The following KIF7 variants were observed in gnomAD, a reference collection of about 807,000 sequenced individuals.
KIF7 encodes the protein kinesin family member 7.
KIF7 carries 104 observed loss-of-function variants against 135.7 expected under a neutral mutation model. The observed-to-expected ratio is 0.77, with a 90% CI of 0.65 to 0.90. KIF7 has a LOEUF of 0.90. Among genes scored for constraint, KIF7 ranks in the 40% least tolerant of loss-of-function variants. KIF7 has a pLI of 0.00. For missense variants in KIF7, 2,005 were observed against 1,839.1 expected (o/e 1.09, Z -1.65); for synonymous variants, 883 against 809.4 (o/e 1.09, Z -1.54).
At chr15:89,627,181 T>C, downstream of KIF7, 6 of 1,498,398 alleles carry the variant, frequency 4.0e-6, no homozygotes, top group Non-Finnish European at 5.5e-6. Context: ...TCTTTTGCCA[T>C]GGTCAGTGTT....
chr15:89,632,160 A>G (rs549168487), intron 14 of KIF7, among the ~76,000 whole-genome samples: 12 of 152,300 alleles, frequency 7.9e-5, no homozygotes, highest in African/African-American at 2.6e-4. Flanking sequence ...CATCAGAGTG[A>G]TGCGTGCTGG....
rs1032643371 is a variant in KIF7 at position 89,619,807 on chromosome 15, T to C, written c.181-1612A>G. ...GTGTCTCAGCCGAAGTCTCGAAGTG[T>C]GCAAAGAGTCCACTCTTTCCAGCAA... On this transcript the variant is annotated intron_variant and NMD_transcript_variant, in intron 1 of 2. Coordinates refer to the KIF7 transcript ENST00000558928. 4 of 1,613,514 alleles carry C rather than the reference T, an allele frequency of 2.5e-6. No homozygotes were observed. The African/African-American group carries it at 5.3e-5, about 22-fold the overall frequency.
chr15:89,633,031 G>C (rs1157585184), intron 13 of KIF7, 35 bp from the exon 14 acceptor site: 1 of 1,597,022 alleles, frequency 6.3e-7, no homozygotes, highest in African/African-American at 1.3e-5. Flanking sequence ...AGGGAACTCA[G>C]GGCCCACCTC....
Position 89,649,828 on chromosome 15 carries a change from C to G in KIF7, c.442G>C (p.Val148Leu), listed in dbSNP as rs1368643826. 1.3e-6 allele frequency: 2 copies of G among 1,551,724 alleles called. No individual in the cohort carries two copies. Among genetic ancestry groups the G allele is most frequent in the African/African-American group, 2.7e-5 (2 of 73,078 alleles). ...AGGTCTCGGAACTCCTCCTTGTACACTTCCAGGTAGGACACATGTACCAGA... is the reference window on the plus strand; with the variant it reads ...AGGTCTCGGAACTCCTCCTTGTACAGTTCCAGGTAGGACACATGTACCAGA... ...DCLVHVSYLE[V>L]YKEEFRDLLE... Residue 148 changes from valine to leucine, a missense_variant, in exon 3 of 19, where the codon GTG (valine) becomes CTG (leucine). Val to Leu is a conservative substitution (Grantham distance 32). Coordinates refer to ENST00000394412, the MANE Select transcript of KIF7 (RefSeq NM_198525.3).
At chr15:89,645,748 G>A in intron 8 of KIF7, 145 bp downstream of exon 8, 1 of 1,161,552 alleles carries the variant, frequency 8.6e-7, no homozygotes, top group Non-Finnish European at 1.2e-6. Context: ...TCTCCCCCAG[G>A]GGCTGGCCAG....
At chr15:89,662,366 G>A in the KIF7 span, among the ~76,000 whole-genome samples, 2 of 152,188 alleles carry the variant, frequency 1.3e-5, no homozygotes, top group Admixed American at 1.3e-4. Context: ...GCATGGTGGC[G>A]CACACCTGTA....
chr15:89,631,165 G>C lies in KIF7; in HGVS notation c.3111+330C>G, dbSNP rs986238206. Reference sequence around the variant, plus strand: ...GAACACAGATGTGTGGGCATGAGGTGCACTGAGTATGCGCCTGACACTCCA... The same window carrying C: ...GAACACAGATGTGTGGGCATGAGGTCCACTGAGTATGCGCCTGACACTCCA... On this transcript the variant is annotated intron_variant, in intron 15 of 18. Coordinates refer to ENST00000394412, the MANE Select transcript of KIF7 (RefSeq NM_198525.3). 2.0e-5 allele frequency: 7 copies of C among 345,860 alleles called. No homozygotes were observed. In the Admixed American group the frequency reaches 2.6e-4, roughly 13 times the overall value. 21.4% of individuals were successfully genotyped at this position (345,860 alleles called of 1,614,324 possible).
Position 89,628,620 on chromosome 15 carries a change from C to A in KIF7, c.3831G>T (p.Trp1277Cys). 1 of 1,613,396 alleles carries A rather than the reference C, an allele frequency of 6.2e-7. No homozygotes were observed. The highest frequency in any genetic ancestry group is 8.5e-7 in the Non-Finnish European group (1 of 1,180,018). Residue 1277 changes from tryptophan to cysteine, a missense_variant, in exon 19 of 19, where the codon TGG becomes TGT. Physicochemically the swap from Trp to Cys is radical, Grantham distance 215 (BLOSUM62 -2). Coordinates refer to ENST00000394412, the MANE Select transcript of KIF7 (RefSeq NM_198525.3). The part of the protein sequence containing the change: ...DLVHAPLPLT[W>C]KRSSLCGEEQ... ...CCTCACCACACAGGCTCGAGCGTTT[C>A]CAGGTCAAGGGTAACGGAGCGTGGA... is the stretch of plus-strand genomic sequence containing the variant.
intron 1 of KIF7, among the ~76,000 whole-genome samples, chr15:89,654,604 C>T (rs1964179027): frequency 6.6e-6 from 1 of 152,168 alleles, no homozygotes; most frequent in African/African-American, 2.4e-5. Context: ...ACCCGCTTCT[C>T]TCCCCGACCT....
intron 1 of KIF7, among the ~76,000 whole-genome samples, chr15:89,622,564 A>G (rs906197603): frequency 6.6e-6 from 1 of 152,184 alleles, no homozygotes; most frequent in Non-Finnish European, 1.5e-5. Context: ...GAAACTCAGT[A>G]AATTGCTTGG....
chr15:89,618,048 C>T, exon 2 of KIF7: 1 of 1,175,212 alleles, frequency 8.5e-7, no homozygotes, highest in African/African-American at 1.5e-5. Context: ...TGTTATCAGA[C>T]CCTGTGATCT....
At chr15:89,617,462 TA>T (rs1344726096) in intron 2 of KIF7, among the ~76,000 whole-genome samples, 1 of 152,222 alleles carries the variant, frequency 6.6e-6, no homozygotes, top group African/African-American at 2.4e-5. Context: ...ATGGGGTTTA[TA>T]ATTCTGATGT....
intron 1 of KIF7, among the ~76,000 whole-genome samples, chr15:89,622,357 G>C (rs1963440938): frequency 2.0e-5 from 3 of 152,068 alleles, no homozygotes; most frequent in Non-Finnish European, 2.9e-5. Flanking sequence ...GGTCTACCTG[G>C]AACACTTCAA....
At position 89,649,836 on chromosome 15, in the gene KIF7, T is replaced by G. The variant is rs758361736; in HGVS notation, c.434A>C (p.Tyr145Ser). Residue 145 changes from tyrosine to serine, a missense_variant, in exon 3 of 19, where the codon TAC (tyrosine) becomes TCC (serine). Transcript: ENST00000394412. ...GAACTCCTCCTTGTACACTTCCAGG[T>G]AGGACACATGTACCAGACAGTCAAG... is the stretch of plus-strand genomic sequence containing the variant. ...DLLDCLVHVS[Y>S]LEVYKEEFRD... 21 of 1,551,662 alleles carry G rather than the reference T, an allele frequency of 1.4e-5. No individual in the cohort carries two copies. The highest frequency in any genetic ancestry group is 1.8e-5 in the Non-Finnish European group (21 of 1,147,008).
At chr15:89,662,335 A>G in the KIF7 span, among the ~76,000 whole-genome samples, 2 of 152,104 alleles carry the variant, frequency 1.3e-5, no homozygotes, top group Non-Finnish European at 2.9e-5. Flanking sequence ...CGTCTCTACT[A>G]AAAATGTGAG....
In KIF7 at chr15:89,652,622, G is replaced by A. The variant is rs1964140993; in HGVS notation, c.309C>T (p.Thr103=). 2 of 1,534,564 alleles carry A rather than the reference G, an allele frequency of 1.3e-6. No individual in the cohort carries two copies. Among genetic ancestry groups the A allele is most frequent in the East Asian group, 4.9e-5 (2 of 40,560 alleles). The change falls in exon 2 of 19, where the codon ACC becomes ACT. Residue 103 remains threonine, a synonymous_variant. Transcript: ENST00000394412. ...YGQTGSGKTY[T]MGEASVASLL... is the part of the protein sequence containing the mutation. ...ACTCACCCACACTGGCCTCCCCCAT[G>A]GTGTATGTCTTCCCTGAGCCCGTCT... is the stretch of plus-strand genomic sequence containing the variant.
At chr15:89,645,579 T>C in intron 8 of KIF7, 128 bp from the exon 9 acceptor site, 1 of 819,000 alleles carries the variant, frequency 1.2e-6, no homozygotes, top group Admixed American at 2.0e-5. Context: ...AAACCCAGGA[T>C]GTGAGTCTGG....
At position 89,629,474 on chromosome 15, in the gene KIF7, C is replaced by G; in HGVS notation, c.3418G>C (p.Val1140Leu). The G allele has an allele frequency of 6.2e-7, 1 of 1,611,022 alleles. No homozygotes were observed. Among genetic ancestry groups the G allele is most frequent in the East Asian group, 2.2e-5 (1 of 44,878 alleles). ...EQQRLVYWLEVALERQRLEMD... is the reference protein window; with the variant it reads ...EQQRLVYWLELALERQRLEMD... ...TCCAGGCGCTGCCGCTCCAGGGCCA[C>G]CTCCAGCCAGTACACCAGCCTCTGC... The change falls in exon 17 of 19, where the codon GTG becomes CTG. Residue 1140 changes from valine to leucine, a missense_variant. Physicochemically the swap from Val to Leu is conservative, Grantham distance 32. Coordinates refer to ENST00000394412, the MANE Select transcript of KIF7 (RefSeq NM_198525.3).
intron 11 of KIF7, among the ~76,000 whole-genome samples, chr15:89,636,010 T>C (rs1000704300): frequency 2.6e-5 from 4 of 151,140 alleles, no homozygotes; most frequent in African/African-American, 9.7e-5. Context: ...CAGAAGAGAG[T>C]GGGGGTCAAT....
Sources: allele counts gnomAD v4.1 joint callset (sites outside exome capture counted in the v4.1 genomes callset), GRCh38; gene constraint gnomAD v4.1.1; transcripts MANE v1.5; gene names NCBI Gene and HGNC (gene_info 2026-07-23, HGNC 2026-07-21).